The following CFAP99 variants were observed in gnomAD, a reference collection of about 807,000 sequenced individuals.
CFAP99 encodes the protein cilia- and flagella-associated protein 99.
In CFAP99, 84 loss-of-function variants were observed where a neutral mutation model predicts 82.7. That is an observed-to-expected ratio of 1.02 (90% CI 0.85 to 1.22). The LOEUF (loss-of-function observed/expected upper bound fraction) is 1.22, where lower values mean the gene tolerates loss of function less well. Among genes scored for constraint, CFAP99 ranks in the 50% most tolerant of loss-of-function variants. The pLI, the probability that CFAP99 is intolerant of heterozygous loss-of-function variation, is 0.00. For synonymous variants in CFAP99, 456 were observed against 429.5 expected (o/e 1.06, Z -0.76); for missense variants, 1,059 against 983.5 (o/e 1.08, Z -1.03).
At chr4:2,441,569 G>A (rs879680831) in intron 4 of CFAP99, among the ~76,000 whole-genome samples, 2 of 152,148 alleles carry the variant, frequency 1.3e-5, no homozygotes, top group Admixed American at 6.5e-5. Context: ...GTTGGGGACA[G>A]GGTGGTGCCC....
intron 7 of CFAP99, 33 bp downstream of exon 7, chr4:2,449,783 A>G: frequency 6.5e-7 from 1 of 1,534,460 alleles, no homozygotes; most frequent in Non-Finnish European, 8.7e-7. Flanking sequence ...CTTCCTAGAG[A>G]CCCCATATGA....
At chr4:2,436,885 C>G in exon 3 of CFAP99, 1 of 1,536,012 alleles carries the variant, frequency 6.5e-7, no homozygotes, top group African/African-American at 1.4e-5. Flanking sequence ...CTCTGAGCCC[C>G]CAGAAGCAGA....
chr4:2,456,902 G>A (rs2108734879), intron 11 of CFAP99, among the ~76,000 whole-genome samples: 1 of 151,496 alleles, frequency 6.6e-6, no homozygotes, highest in South Asian at 2.1e-4. Flanking sequence ...CCTGGGTGAG[G>A]AATGACATTT....
intron 14 of CFAP99, among the ~76,000 whole-genome samples, chr4:2,461,989 TAA>T (rs1734631644): frequency 4.6e-5 from 7 of 151,644 alleles, no homozygotes; most frequent in East Asian, 1.9e-4. Context: ...AAAAAAATGT[TAA>T]GTTTAAAAAA....
intron 2 of CFAP99, chr4:2,426,972 C>T (rs1026331066): frequency 4.9e-5 from 12 of 246,376 alleles, no homozygotes; most frequent in African/African-American, 1.8e-4. Context: ...AGTGAGGGTG[C>T]GCAAGGCCAC....
intron 6 of CFAP99, among the ~76,000 whole-genome samples, chr4:2,447,985 A>C (rs1447254157): frequency 6.7e-6 from 1 of 148,822 alleles, no homozygotes; most frequent in Non-Finnish European, 1.5e-5. Context: ...GGATGGCTTC[A>C]TGGAAGGATA....
At chr4:2,419,734 G>A (rs1733509588) in intron 1 of CFAP99, among the ~76,000 whole-genome samples, 1 of 152,070 alleles carries the variant, frequency 6.6e-6, no homozygotes, top group Non-Finnish European at 1.5e-5. Flanking sequence ...GAGCCTAGGC[G>A]CGCTGGCATC....
intron 11 of CFAP99, among the ~76,000 whole-genome samples, chr4:2,456,883 C>T (rs933624451): frequency 6.6e-6 from 1 of 151,762 alleles, no homozygotes; most frequent in Non-Finnish European, 1.5e-5. Flanking sequence ...CTAGTGTCAA[C>T]ACTCAACTCC....
rs1734649441 is a variant in CFAP99, at chr4:2,462,563, G to C, written c.1782G>C (p.Leu594Phe). 2.1e-6 allele frequency: 3 copies of C among 1,452,302 alleles called. No homozygotes were observed. Among genetic ancestry groups the C allele is most frequent in the Non-Finnish European group, 1.8e-6 (2 of 1,107,672 alleles). 90.0% of individuals were successfully genotyped at this position (1,452,302 alleles called of 1,614,324 possible). A position where few individuals can be genotyped will look rare whatever the true frequency, so the allele number is the denominator to read the frequency against. The stretch of plus-strand genomic sequence containing the variant: ...CCGAGCGCAGCAGGCAGGCGGCCTT[G>C]CTGCACGTGTCGGCGCCGCGGACCG... Residue 594 changes from leucine (L) to phenylalanine (F), a missense_variant, in exon 15 of 15, where the codon TTG becomes TTC. Leu to Phe is a conservative substitution (Grantham distance 22, BLOSUM62 0). Coordinates refer to ENST00000635017, the Ensembl canonical transcript of CFAP99. This position sits in a 1 kb window ranked among gnomAD's most constrained non-coding sequence, Gnocchi z 4.1.
intron 2 of CFAP99, among the ~76,000 whole-genome samples, chr4:2,433,690 A>G (rs1031174177): frequency 1.3e-5 from 2 of 152,186 alleles, no homozygotes; most frequent in Non-Finnish European, 2.9e-5. Flanking sequence ...GTGGCCATCT[A>G]GCCAAGAAAG....
chr4:2,450,465 G>T, intron 8 of CFAP99: 1 of 275,804 alleles, frequency 3.6e-6, no homozygotes, highest in South Asian at 4.1e-5. Context: ...CCCATATGGT[G>T]CATGCCGCGG....
intron 1 of CFAP99, among the ~76,000 whole-genome samples, chr4:2,420,802 C>T (rs1281912104): frequency 6.6e-6 from 1 of 152,226 alleles, no homozygotes; most frequent in Non-Finnish European, 1.5e-5. Context: ...CACGTTTCTT[C>T]ATGATCCAGG....
chr4:2,430,366 T>C (rs112329341), intron 2 of CFAP99, among the ~76,000 whole-genome samples: 2 of 28,754 alleles, frequency 7.0e-5, no homozygotes, highest in African/African-American at 2.4e-4. Flanking sequence ...TGCCAGAAAA[T>C]TACGCAATAC....
At chr4:2,437,336 T>A (rs1733939574) in intron 3 of CFAP99, among the ~76,000 whole-genome samples, 1 of 152,154 alleles carries the variant, frequency 6.6e-6, no homozygotes, top group Admixed American at 6.5e-5. Flanking sequence ...CCCCGAGGCC[T>A]TTGGACAAGA....
At chr4:2,460,494 G>C (rs1209497670) in intron 14 of CFAP99, among the ~76,000 whole-genome samples, 1 of 152,190 alleles carries the variant, frequency 6.6e-6, no homozygotes, top group Non-Finnish European at 1.5e-5. Flanking sequence ...CCAGCTCATG[G>C]GTCCAACCTT....
intron 1 of CFAP99, among the ~76,000 whole-genome samples, chr4:2,420,507 C>T (rs1190191429): frequency 6.6e-6 from 1 of 152,242 alleles, no homozygotes; most frequent in South Asian, 2.1e-4. Context: ...AATGGCTGTT[C>T]TCTGTGGGTC....
rs111504927 is a variant in CFAP99 at position 2,443,676 on chromosome 4, G to A, written c.464+434G>A. On this transcript the variant is annotated intron_variant, in intron 5 of 14. Transcript: ENST00000635017. ...CCAAGAGTGCGGAGTAGGGGTGAGG[G>A]TGGAGGGAGCTGAGGAAGCCACAGA... 6.9e-3 allele frequency among the ~76,000 whole-genome samples: 1,053 copies of A among 152,278 alleles called. 10 individuals are homozygous for A. The highest frequency in any genetic ancestry group is 0.024 in the African/African-American group (1,003 of 41,552).
exon 8 of CFAP99, chr4:2,449,946 A>C: frequency 6.5e-7 from 1 of 1,536,144 alleles, no homozygotes; most frequent in Non-Finnish European, 8.7e-7. Context: ...GCTGCTGCTG[A>C]GGGCAAACAT....
At chr4:2,432,883 T>A (rs1055818913) in intron 2 of CFAP99, among the ~76,000 whole-genome samples, 14 of 152,226 alleles carry the variant, frequency 9.2e-5, no homozygotes, top group African/African-American at 3.4e-4. Flanking sequence ...CTGCCTCCTC[T>A]GGGAGAGAGA....
Sources: allele counts gnomAD v4.1 joint callset (sites outside exome capture counted in the v4.1 genomes callset), GRCh38; gene constraint gnomAD v4.1.1; non-coding constraint Gnocchi (gnomAD v3.1); transcripts MANE v1.5; gene names NCBI Gene and HGNC (gene_info 2026-07-23, HGNC 2026-07-21).